TRABD2A: variants seen among roughly 807,000 people sequenced by gnomAD.
The protein encoded by TRABD2A is metalloprotease TIKI1.
In TRABD2A, 43 loss-of-function variants were observed where a neutral mutation model predicts 45.6. That is an observed-to-expected ratio of 0.94 (90% CI 0.74 to 1.22). The LOEUF (loss-of-function observed/expected upper bound fraction) is 1.22. Among genes scored for constraint, TRABD2A ranks in the 50% most tolerant of loss-of-function variants. The pLI is 0.00. For missense variants in TRABD2A, 642 were observed against 652.4 expected, an observed-to-expected ratio of 0.98 and a Z score of 0.17; for synonymous variants, 269 against 265.0, an observed-to-expected ratio of 1.02 and a Z score of -0.15.
chr2:84,847,975 T>C (rs945817678), intron 2 of TRABD2A, among the ~76,000 whole-genome samples: 1 of 152,222 alleles, frequency 6.6e-6, no homozygotes, highest in African/African-American at 2.4e-5. Context: ...CACATGTGTA[T>C]CTATCTCTGT....
intron 2 of TRABD2A, among the ~76,000 whole-genome samples, chr2:84,863,514 G>A (rs1553515039): frequency 6.6e-6 from 1 of 150,846 alleles, no homozygotes; most frequent in Non-Finnish European, 1.5e-5. Context: ...TTACAGGTGT[G>A]AGCCACCGCG....
At chr2:84,829,812 CA>C (rs1262475048) in intron 5 of TRABD2A, among the ~76,000 whole-genome samples, 1 of 150,966 alleles carries the variant, frequency 6.6e-6, no homozygotes, top group Non-Finnish European at 1.5e-5. Flanking sequence ...ACACCCCTCA[CA>C]CACAGGTACC....
chr2:84,859,255 T>C (rs1264768375), intron 2 of TRABD2A, among the ~76,000 whole-genome samples: 3 of 152,164 alleles, frequency 2.0e-5, no homozygotes, highest in Non-Finnish European at 4.4e-5. Context: ...AAAGAGTAAA[T>C]GCTGTAGTTT....
intron 2 of TRABD2A, among the ~76,000 whole-genome samples, chr2:84,847,740 T>C (rs1681945394): frequency 6.6e-6 from 1 of 152,224 alleles, no homozygotes; most frequent in African/African-American, 2.4e-5. Context: ...TGTGTTGTGT[T>C]AGGCTCCTAG....
chr2:84,862,775 A>G (rs1274873530), intron 2 of TRABD2A, among the ~76,000 whole-genome samples: 2 of 152,178 alleles, frequency 1.3e-5, no homozygotes, highest in African/African-American at 4.8e-5. Context: ...AGGGGCCATA[A>G]AATGAAAGAC....
At chr2:84,878,415 C>G (rs1683102455) in intron 1 of TRABD2A, among the ~76,000 whole-genome samples, 1 of 151,818 alleles carries the variant, frequency 6.6e-6, no homozygotes, top group Admixed American at 6.6e-5. Flanking sequence ...ATCCCAGCTG[C>G]TCAGGAGGCT....
chr2:84,846,401 A>T (rs193070620), intron 2 of TRABD2A, among the ~76,000 whole-genome samples: 2 of 152,214 alleles, frequency 1.3e-5, no homozygotes, highest in Non-Finnish European at 2.9e-5. Context: ...CTTCTCACAG[A>T]TTAAAACCCA....
chr2:84,834,036 G>C (rs1438281837), intron 4 of TRABD2A: 1 of 152,364 alleles, frequency 6.6e-6, no homozygotes, highest in African/African-American at 2.4e-5. Flanking sequence ...GTTTTTGGGA[G>C]CTCACCTAAG....
chr2:84,880,513 G>A (rs1683164994), intron 1 of TRABD2A, among the ~76,000 whole-genome samples: 1 of 152,244 alleles, frequency 6.6e-6, no homozygotes, highest in Non-Finnish European at 1.5e-5. Flanking sequence ...CAGCTTCAGG[G>A]CGCTGTTAAT....
At chr2:84,844,030 G>A (rs75235625) in intron 2 of TRABD2A, 10,425 of 152,272 alleles carry the variant, frequency 0.068, 537 homozygotes, top group African/African-American at 0.14. Context: ...AGTCTCTCTG[G>A]AAGGCGTCTC....
At chr2:84,877,799 A>T (rs1227943008) in intron 1 of TRABD2A, among the ~76,000 whole-genome samples, 2 of 152,172 alleles carry the variant, frequency 1.3e-5, no homozygotes, top group African/African-American at 4.8e-5. Context: ...CTCCCATCCT[A>T]GCATCCCTGG....
intron 1 of TRABD2A, chr2:84,879,733 A>C: frequency 2.6e-6 from 1 of 382,342 alleles, no homozygotes; most frequent in African/African-American, 2.2e-5. Context: ...CCTGGTGCAG[A>C]CTCCCCTCTC....
At chr2:84,871,594 C>A (rs1682873833) in intron 1 of TRABD2A, among the ~76,000 whole-genome samples, 1 of 152,022 alleles carries the variant, frequency 6.6e-6, no homozygotes, top group Non-Finnish European at 1.5e-5. Flanking sequence ...TCAAGCAATT[C>A]TCCTGCCTCA....
At chr2:84,826,735 T>C (rs992337312) in intron 5 of TRABD2A, among the ~76,000 whole-genome samples, 12 of 152,204 alleles carry the variant, frequency 7.9e-5, no homozygotes, top group Non-Finnish European at 1.0e-4. Context: ...GGTTTCACCA[T>C]CTTGGCCAGG....
At chr2:84,852,731 GC>G (rs1299928848) in intron 2 of TRABD2A, among the ~76,000 whole-genome samples, 2 of 152,130 alleles carry the variant, frequency 1.3e-5, no homozygotes, top group Admixed American at 1.3e-4. Flanking sequence ...GCAGCCAAAG[GC>G]CCAGTGATGA....
intron 5 of TRABD2A, among the ~76,000 whole-genome samples, chr2:84,827,026 C>G (rs1681170343): frequency 6.6e-6 from 1 of 152,138 alleles, no homozygotes; most frequent in Admixed American, 6.5e-5. Flanking sequence ...GGTGGCTGCT[C>G]TTCTGTCTCA....
intron 2 of TRABD2A, among the ~76,000 whole-genome samples, chr2:84,864,622 C>T (rs1559096338): frequency 6.6e-6 from 1 of 152,136 alleles, no homozygotes; most frequent in Non-Finnish European, 1.5e-5. Flanking sequence ...GGGCCTCTCT[C>T]GGGTTAGTCC....
chr2:84,838,301 T>A, intron 4 of TRABD2A: 1 of 713,434 alleles, frequency 1.4e-6, no homozygotes, highest in South Asian at 1.5e-5. Flanking sequence ...ACTGCTTCTA[T>A]CAAAATTCAT....
In TRABD2A at chr2:84,872,513, AAG is replaced by A. The variant is rs202056982; in HGVS notation, c.109-1730_109-1729del. ...AGACTTTGTCTCAGAAAAAGAAAGAAAGAGAGAGAGAAGGAAGGACTAGAGGG... is the reference window on the plus strand; with the variant it reads ...AGACTTTGTCTCAGAAAAAGAAAGAAAGAGAGAGAAGGAAGGACTAGAGGG... On this transcript the variant is annotated intron_variant, in intron 1 of 6. Coordinates refer to ENST00000409520, the MANE Select transcript of TRABD2A (RefSeq NM_001277053.2). Among the ~76,000 whole-genome samples the A allele has an allele frequency of 6.1e-3, 929 of 152,108 alleles. 8 individuals carry two copies. Among genetic ancestry groups the A allele is most frequent in the Middle Eastern group, 0.024 (7 of 292 alleles).
Sources: gnomAD v4.1 joint callset for allele counts (sites outside exome capture counted in the v4.1 genomes callset) on GRCh38, gnomAD v4.1.1 for gene constraint, MANE v1.5 for transcripts, NCBI Gene and HGNC (gene_info 2026-07-23, HGNC 2026-07-21) for gene names.